The following SNX27 variants were observed in gnomAD, a reference collection of about 807,000 sequenced individuals.
The protein encoded by SNX27 is sorting nexin-27.
Under a neutral mutation model 71.6 loss-of-function variants are expected in SNX27, and 22 were observed. The ratio of observed to expected loss-of-function variants is 0.31; its 90% CI spans 0.22 to 0.44. The LOEUF (loss-of-function observed/expected upper bound fraction) is 0.44. Ranked by LOEUF, SNX27 falls within the 20% of genes least tolerant of loss-of-function variation. SNX27 has a pLI of 1.00. For missense variants in SNX27, 531 were observed against 698.6 expected (o/e 0.76, Z 2.70); for synonymous variants, 269 against 277.2 (o/e 0.97, Z 0.29).
In SNX27 at chr1:151,695,225, C is replaced by T. The variant is rs558743652; in HGVS notation, c.*808C>T. 6.6e-6 allele frequency: 1 copy of T among 152,364 alleles called. No homozygotes were observed. Among genetic ancestry groups the T allele is most frequent in the South Asian group, 2.1e-4 (1 of 4,824 alleles). 9.4% of individuals were successfully genotyped at this position (152,364 alleles called of 1,614,324 possible). A position where few individuals can be genotyped will look rare whatever the true frequency, so the allele number is the denominator to read the frequency against. On this transcript the variant is annotated 3_prime_UTR_variant, in exon 12 of 12. Coordinates refer to ENST00000458013, the MANE Select transcript of SNX27 (RefSeq NM_001330723.2). Reference sequence around the variant, plus strand: ...GAAGTCCTGGTATGGGCTCTTGATTCTGTGACAATTTTTTTGATCCATCTA... The same window carrying T: ...GAAGTCCTGGTATGGGCTCTTGATTTTGTGACAATTTTTTTGATCCATCTA...
chr1:151,662,063 A>C (rs954115386), intron 4 of SNX27, 103 bp from the exon 5 acceptor site: 4 of 706,786 alleles, frequency 5.7e-6, no homozygotes, highest in African/African-American at 5.4e-5. Context: ...ATTGGAACTC[A>C]CTTCTTCTCT....
At chr1:151,652,792 T>C (rs946345607) in intron 2 of SNX27, among the ~76,000 whole-genome samples, 5 of 152,182 alleles carry the variant, frequency 3.3e-5, no homozygotes, top group Admixed American at 3.3e-4. Context: ...TGTTCATACA[T>C]GTTTTCTGCC....
chr1:151,656,296 T>C (rs918179758), intron 2 of SNX27, among the ~76,000 whole-genome samples: 1 of 149,096 alleles, frequency 6.7e-6, no homozygotes, highest in Admixed American at 6.7e-5. Flanking sequence ...ATGAAACAGA[T>C]TATGTCAATA....
chr1:151,683,716 A>C (rs1043173073), intron 8 of SNX27, among the ~76,000 whole-genome samples: 3 of 152,052 alleles, frequency 2.0e-5, no homozygotes, highest in African/African-American at 7.2e-5. Flanking sequence ...GCCCAGGCTG[A>C]AGTGCAGTGT....
In SNX27 at chr1:151,681,532, G is replaced by A. The variant is rs142007684; in HGVS notation, c.1150-1824G>A. Reference sequence around the variant, plus strand: ...GCTGAGATTACAGGCATGAGCCACCGCGCCTGGCCCTCTTGACTTAATCTT... The same window carrying A: ...GCTGAGATTACAGGCATGAGCCACCACGCCTGGCCCTCTTGACTTAATCTT... On this transcript the variant is annotated intron_variant, in intron 7 of 11. Coordinates refer to ENST00000458013, the MANE Select transcript of SNX27 (RefSeq NM_001330723.2). 6.0e-4 allele frequency among the ~76,000 whole-genome samples: 92 copies of A among 152,088 alleles called. 1 individual carries two copies. In the East Asian group the frequency reaches 0.016, roughly 26 times the overall value.
chr1:151,634,670 G>C (rs111478899), intron 1 of SNX27, among the ~76,000 whole-genome samples: 3,195 of 152,162 alleles, frequency 0.021, 111 homozygotes, highest in African/African-American at 0.073. Context: ...AAATAAATTA[G>C]ATATCATCTG....
rs1294678591 is a variant in SNX27, at chr1:151,696,449, T to C, written c.*2032T>C. ...TTTGTAATTTGTTTTTGCAAATCATTGTGAGGCCACTTTTTCTTTCTTTCT... is the reference window on the plus strand; with the variant it reads ...TTTGTAATTTGTTTTTGCAAATCATCGTGAGGCCACTTTTTCTTTCTTTCT... On this transcript the variant is annotated 3_prime_UTR_variant, in exon 12 of 12. Coordinates refer to ENST00000458013, the MANE Select transcript of SNX27 (RefSeq NM_001330723.2). The C allele has an allele frequency of 7.0e-6, 1 of 142,740 alleles. No individual in the cohort carries two copies. Among genetic ancestry groups the C allele is most frequent in the Non-Finnish European group, 1.6e-5 (1 of 64,348 alleles). 8.8% of individuals were successfully genotyped at this position (142,740 alleles called of 1,614,324 possible). A position where few individuals can be genotyped will look rare whatever the true frequency, so the allele number is the denominator to read the frequency against.
intron 2 of SNX27, among the ~76,000 whole-genome samples, chr1:151,652,583 A>AT (rs1045251495): frequency 3.1e-4 from 46 of 148,004 alleles, no homozygotes; most frequent in Admixed American, 8.1e-4. Flanking sequence ...TAATTTTTGT[A>AT]TTTTTTTTTA....
intron 7 of SNX27, among the ~76,000 whole-genome samples, chr1:151,682,186 C>T (rs1038197179): frequency 2.6e-5 from 4 of 152,222 alleles, no homozygotes; most frequent in Admixed American, 1.3e-4. Context: ...AATGCTTGAG[C>T]GCTTGCCAGA....
At chr1:151,680,622 T>C (rs1670902543) in intron 7 of SNX27, among the ~76,000 whole-genome samples, 1 of 152,192 alleles carries the variant, frequency 6.6e-6, no homozygotes, top group Non-Finnish European at 1.5e-5. Flanking sequence ...TTCTAGGCGT[T>C]AGGGGTAAAA....
chr1:151,665,082 A>G (rs534697205), intron 5 of SNX27, among the ~76,000 whole-genome samples: 44 of 152,204 alleles, frequency 2.9e-4, no homozygotes, highest in Non-Finnish European at 3.4e-4. Context: ...GATACTAATA[A>G]TCAACAGTTT....
chr1:151,622,888 A>G (rs1421636737), intron 1 of SNX27, among the ~76,000 whole-genome samples: 2 of 152,174 alleles, frequency 1.3e-5, no homozygotes, highest in Non-Finnish European at 2.9e-5. Flanking sequence ...TCCTGGACTC[A>G]AGGGATTCTC....
At chr1:151,660,710 T>C (rs1401918321) in intron 3 of SNX27, 88 bp from the exon 4 acceptor site, 17 of 983,888 alleles carry the variant, frequency 1.7e-5, no homozygotes, top group Admixed American at 3.5e-5. Context: ...TTAAAACTGA[T>C]GATTTAAACT....
At chr1:151,644,354 C>T (rs772415292) in intron 2 of SNX27, among the ~76,000 whole-genome samples, 70 of 152,288 alleles carry the variant, frequency 4.6e-4, no homozygotes, top group African/African-American at 1.3e-3. Flanking sequence ...TATAGATTTG[C>T]GTATTCTGGA....
At chr1:151,675,164 A>G (rs1419272072) in intron 7 of SNX27, among the ~76,000 whole-genome samples, 1 of 149,970 alleles carries the variant, frequency 6.7e-6, no homozygotes, top group Admixed American at 6.6e-5. Flanking sequence ...TTTTTTTTTC[A>G]GGTTTTGTAA....
Position 151,694,924 on chromosome 1 carries a change from C to A in SNX27, c.*507C>A, listed in dbSNP as rs1191792906. 1 of 152,522 alleles carries A rather than the reference C, an allele frequency of 6.6e-6. No homozygotes were observed. The highest frequency in any genetic ancestry group is 1.5e-5 in the Non-Finnish European group (1 of 68,030). 9.4% of individuals were successfully genotyped at this position (152,522 alleles called of 1,614,324 possible). ...ACACACCTTTCACTAGAATCCATGA[C>A]CTCCCTCGTGCTCTCTTTCTTTTGA... On this transcript the variant is annotated 3_prime_UTR_variant, in exon 12 of 12. Transcript: ENST00000458013.
At chr1:151,674,220 A>C (rs752463866) in intron 7 of SNX27, among the ~76,000 whole-genome samples, 1 of 151,946 alleles carries the variant, frequency 6.6e-6, no homozygotes, top group Non-Finnish European at 1.5e-5. Context: ...GTATGTTTGT[A>C]GGTTTGCAGT....
chr1:151,625,961 T>C (rs1436873331), intron 1 of SNX27, among the ~76,000 whole-genome samples: 1 of 147,794 alleles, frequency 6.8e-6, no homozygotes. Context: ...AAAAAAAAAA[T>C]AAAATAAAAA....
At chr1:151,624,431 A>T (rs71515785) in intron 1 of SNX27, among the ~76,000 whole-genome samples, 1 of 118,388 alleles carries the variant, frequency 8.4e-6, no homozygotes, top group Admixed American at 8.2e-5. Flanking sequence ...ATATATATAT[A>T]TGTATTTTTT....
Sources: gnomAD v4.1 joint callset for allele counts (sites outside exome capture counted in the v4.1 genomes callset) on GRCh38, gnomAD v4.1.1 for gene constraint, MANE v1.5 for transcripts, NCBI Gene and HGNC (gene_info 2026-07-23, HGNC 2026-07-21) for gene names.